The following TBCD variants were observed in gnomAD, a reference collection of about 807,000 sequenced individuals.
The protein encoded by TBCD is tubulin-specific chaperone D.
In TBCD, 105 loss-of-function variants were observed where a neutral mutation model predicts 169.3. The observed-to-expected ratio is 0.62, with a 90% CI of 0.53 to 0.73. The LOEUF (loss-of-function observed/expected upper bound fraction) is 0.73, where lower values mean the gene tolerates loss of function less well. Ranked by LOEUF, TBCD falls within the 30% of genes least tolerant of loss-of-function variation. TBCD has a pLI of 0.00. For synonymous variants in TBCD, 700 were observed against 643.9 expected, an observed-to-expected ratio of 1.09 and a Z score of -1.32; for missense variants, 1,444 against 1,600.1, an observed-to-expected ratio of 0.90 and a Z score of 1.66.
At chr17:82,794,203 C>G (rs1266178041) in intron 7 of TBCD, among the ~76,000 whole-genome samples, 2 of 152,186 alleles carry the variant, frequency 1.3e-5, no homozygotes, top group Non-Finnish European at 2.9e-5. Context: ...GGTGAGCTTG[C>G]TCCCGAGTAG....
chr17:82,830,493 G>T, intron 13 of TBCD: 1 of 1,613,436 alleles, frequency 6.2e-7, no homozygotes. Flanking sequence ...GTGGGGCCCC[G>T]TCACCGTCGA....
At chr17:82,896,423 G>A (rs1478534638) in intron 17 of TBCD, among the ~76,000 whole-genome samples, 1 of 149,752 alleles carries the variant, frequency 6.7e-6, no homozygotes, top group Non-Finnish European at 1.5e-5. Context: ...CTCTGGCATA[G>A]ATGCCCAGAG....
intron 7 of TBCD, among the ~76,000 whole-genome samples, chr17:82,792,342 C>T (rs1457587477): frequency 6.8e-6 from 1 of 147,020 alleles, no homozygotes; most frequent in African/African-American, 2.5e-5. Flanking sequence ...TATATACACA[C>T]GTGTATACAT....
intron 7 of TBCD, among the ~76,000 whole-genome samples, 199 bp downstream of exon 7, chr17:82,781,920 G>T (rs894565042): frequency 6.6e-6 from 1 of 152,212 alleles, no homozygotes; most frequent in Non-Finnish European, 1.5e-5. Context: ...TTCTGCGCTG[G>T]TGCTGGTGGA....
At chr17:82,927,551 G>T (rs1271228148) in intron 29 of TBCD, among the ~76,000 whole-genome samples, 1 of 152,192 alleles carries the variant, frequency 6.6e-6, no homozygotes. Context: ...GGCCTGTGTC[G>T]TCCTCGTTGA....
Position 82,930,821 on chromosome 17 carries a change from G to A in TBCD, c.3113+178G>A, listed in dbSNP as rs772488191. Among the ~76,000 whole-genome samples the A allele has an allele frequency of 8.5e-5, 13 of 152,164 alleles. No individual in the cohort carries two copies. The highest frequency in any genetic ancestry group is 3.9e-4 in the East Asian group (2 of 5,194). ...ATGTGCCTGCAGCATATGGTTCTCC[G>A]GGCGGCCAGGCCTCAGCCCCTGCGC... is the stretch of plus-strand genomic sequence containing the variant. On this transcript the variant is annotated intron_variant, in intron 33 of 38. Coordinates refer to ENST00000355528, the MANE Select transcript of TBCD (RefSeq NM_005993.5). The surrounding 1 kb of genome is among the most constrained non-coding windows in gnomAD (Gnocchi z 5.2).
rs943408992 is a variant in TBCD, at chr17:82,782,636, G to T, written c.771+915G>T. Among the ~76,000 whole-genome samples, 1 of 152,192 alleles carries T rather than the reference G, an allele frequency of 6.6e-6. No homozygotes were observed. ...GCTGGGATTACAGGCTTGAGCCGCC[G>T]CGCCTGGAAGGACACTTTGGAGCGC... On this transcript the variant is annotated intron_variant, in intron 7 of 38. Transcript: ENST00000355528. The surrounding 1 kb of genome is among the most constrained non-coding windows in gnomAD (Gnocchi z 5.1).
At chr17:82,827,828 C>T (rs1249291228) in intron 13 of TBCD, among the ~76,000 whole-genome samples, 7 of 143,352 alleles carry the variant, frequency 4.9e-5, no homozygotes, top group Admixed American at 4.9e-4. Context: ...CACAGATATG[C>T]ACCTTTGCAC....
In TBCD at chr17:82,822,315, A is replaced by G. The variant is rs144050927; in HGVS notation, c.1318+7381A>G. On this transcript the variant is annotated intron_variant, in intron 13 of 38. Transcript: ENST00000355528. ...GGGAGCAATTTCAGAGAATGGATAAAGTCGTTAAGAAAATACAAAAGGGCG... is the reference window on the plus strand; with the variant it reads ...GGGAGCAATTTCAGAGAATGGATAAGGTCGTTAAGAAAATACAAAAGGGCG... 3.1e-3 allele frequency among the ~76,000 whole-genome samples: 472 copies of G among 152,328 alleles called. 1 individual carries two copies. Among genetic ancestry groups the G allele is most frequent in the African/African-American group, 0.011 (445 of 41,558 alleles).
chr17:82,788,003 G>A (rs562071292), intron 7 of TBCD, among the ~76,000 whole-genome samples: 1 of 152,318 alleles, frequency 6.6e-6, no homozygotes, highest in East Asian at 1.9e-4. Flanking sequence ...TTGGGAGGCC[G>A]AGGCAGGTGG....
intron 25 of TBCD, among the ~76,000 whole-genome samples, chr17:82,921,905 T>G (rs1196139344): frequency 1.3e-5 from 2 of 152,234 alleles, no homozygotes; most frequent in Non-Finnish European, 2.9e-5. Flanking sequence ...ATCTGAGGTT[T>G]GGAAACTCCC....
chr17:82,891,709 G>A (rs553116564), intron 16 of TBCD, among the ~76,000 whole-genome samples: 6 of 152,034 alleles, frequency 3.9e-5, no homozygotes, highest in Non-Finnish European at 7.4e-5. Context: ...AGTGGAGGCC[G>A]CTGGGTAACA....
At chr17:82,911,618 G>A (rs2060649307) in intron 22 of TBCD, 140 bp from the exon 23 acceptor site, 3 of 778,316 alleles carry the variant, frequency 3.9e-6, no homozygotes, top group Non-Finnish European at 6.4e-6. Flanking sequence ...TTCATAAAAG[G>A]TTGCTCATGC....
chr17:82,864,659 G>T lies in TBCD; in HGVS notation c.1319-5565G>T, dbSNP rs1415409820. On this transcript the variant is annotated intron_variant, in intron 13 of 38. Transcript: ENST00000355528. This position sits in a 1 kb window ranked among gnomAD's most constrained non-coding sequence, Gnocchi z 6.3. ...TGGGGAGAGTTGCTGGGCCAGCGTG[G>T]CTGGGTGACTTTCCTGTGGAAAGAG... Among the ~76,000 whole-genome samples the T allele has an allele frequency of 6.6e-6, 1 of 152,204 alleles. No individual in the cohort carries two copies.
intron 14 of TBCD, among the ~76,000 whole-genome samples, chr17:82,871,245 A>T (rs1440740123): frequency 6.6e-6 from 1 of 151,656 alleles, no homozygotes; most frequent in Non-Finnish European, 1.5e-5. Context: ...ATGTGTCCCC[A>T]GCGCAGGAAA....
intron 37 of TBCD, among the ~76,000 whole-genome samples, 164 bp downstream of exon 37, chr17:82,939,640 C>T (rs530350046): frequency 1.3e-3 from 204 of 152,330 alleles, no homozygotes; most frequent in Admixed American, 2.5e-3. Flanking sequence ...AGCCGTGCTG[C>T]TGTAGCCGAA....
At position 82,783,370 on chromosome 17, in the gene TBCD, A is replaced by G. The variant is rs2049082569; in HGVS notation, c.771+1649A>G. 3.9e-5 allele frequency among the ~76,000 whole-genome samples: 6 copies of G among 152,360 alleles called. No individual in the cohort carries two copies. The South Asian group carries it at 1.2e-3, about 32-fold the overall frequency. On this transcript the variant is annotated intron_variant, in intron 7 of 38. Transcript: ENST00000355528. ...CAGATTCAGCAGTTTTCAAAAATCA[A>G]GATATAATTCACATACCACAAGTAA...
chr17:82,938,181 AGCC>A, intron 36 of TBCD, 45 bp downstream of exon 36: 1 of 1,575,152 alleles, frequency 6.3e-7, no homozygotes, highest in South Asian at 1.1e-5. Context: ...TGTGGACACA[AGCC>A]CCTCAGTGAC....
chr17:82,814,724 G>T, intron 12 of TBCD, 116 bp from the exon 13 acceptor site: 1 of 966,832 alleles, frequency 1.0e-6, no homozygotes. Flanking sequence ...TGAGCCTTAC[G>T]TGAGCCTTAC....
Sources: gnomAD v4.1 joint callset for allele counts (sites outside exome capture counted in the v4.1 genomes callset) on GRCh38, gnomAD v4.1.1 for gene constraint, Gnocchi (gnomAD v3.1) non-coding constraint, MANE v1.5 for transcripts, NCBI Gene and HGNC (gene_info 2026-07-23, HGNC 2026-07-21) for gene names.